The following IRAG2 variants were observed in gnomAD, a reference collection of about 807,000 sequenced individuals.
IRAG2 encodes the protein inositol 1,4,5-triphosphate receptor associated 2, also known as lymphoid restricted membrane protein.
A neutral mutation model predicts 69.9 loss-of-function variants in IRAG2; 45 were observed. The observed-to-expected ratio is 0.64, with a 90% CI of 0.51 to 0.83. The LOEUF is 0.83. Ranked by LOEUF, IRAG2 falls within the 40% of genes least tolerant of loss-of-function variation. IRAG2 has a pLI of 0.00. For synonymous variants in IRAG2, 193 were observed against 202.4 expected, an observed-to-expected ratio of 0.95 and a Z score of 0.40; for missense variants, 520 against 587.0, an observed-to-expected ratio of 0.89 and a Z score of 1.18.
intron 6 of IRAG2, among the ~76,000 whole-genome samples, chr12:25,075,236 T>C (rs1468179638): frequency 1.3e-5 from 2 of 152,198 alleles, no homozygotes; most frequent in Non-Finnish European, 2.9e-5. Context: ...AAGTCAGAAG[T>C]AAGTCTAATA....
chr12:25,077,308 GATATATATGAT>G (rs1470623059), intron 6 of IRAG2, among the ~76,000 whole-genome samples: 272 of 17,668 alleles, frequency 0.015, 66 homozygotes, highest in Non-Finnish European at 0.023. Flanking sequence ...AAATATATAT[GATATATATGAT>G]ATATATATGA....
chr12:25,095,232 A>G (rs557447928), intron 14 of IRAG2, among the ~76,000 whole-genome samples: 1 of 152,128 alleles, frequency 6.6e-6, no homozygotes, highest in Non-Finnish European at 1.5e-5. Flanking sequence ...TTATTAGGTT[A>G]AGGTAATTTT....
At chr12:25,003,552 T>C (rs1397025758), upstream of IRAG2, among the ~76,000 whole-genome samples, 1 of 152,122 alleles carries the variant, frequency 6.6e-6, no homozygotes, top group Non-Finnish European at 1.5e-5. Flanking sequence ...AAATTTTGAA[T>C]GTATTTCCAA....
rs951729051 is a variant in IRAG2 at position 25,072,274 on chromosome 12, A to G, written c.24+2843A>G. 3.9e-5 allele frequency among the ~76,000 whole-genome samples: 6 copies of G among 152,204 alleles called. No individual in the cohort carries two copies. In the South Asian group the frequency reaches 1.0e-3, roughly 26 times the overall value. ...TAACAGACATCACAATCGAGCCTCC[A>G]GTCACATGCTCCTGTAAGTTCCCTG... is the stretch of plus-strand genomic sequence containing the variant. On this transcript the variant is annotated intron_variant, in intron 6 of 21. Coordinates refer to ENST00000556887, the MANE Select transcript of IRAG2 (RefSeq NM_001366544.2).
upstream of IRAG2, among the ~76,000 whole-genome samples, chr12:25,000,391 G>A (rs377561036): frequency 1.0e-3 from 153 of 152,282 alleles, no homozygotes; most frequent in African/African-American, 3.6e-3. Flanking sequence ...AGGTTCCAGT[G>A]AGCCGAGATT....
At chr12:25,017,373 T>C (rs1345142035) in intron 6 of IRAG2, 4 of 1,104,116 alleles carry the variant, frequency 3.6e-6, no homozygotes, top group Middle Eastern at 3.4e-4. Context: ...ATATTGAGAG[T>C]CACACAGCAT....
intron 16 of IRAG2, among the ~76,000 whole-genome samples, chr12:25,101,663 A>G (rs1948755218): frequency 6.6e-6 from 1 of 152,224 alleles, no homozygotes; most frequent in Non-Finnish European, 1.5e-5. Flanking sequence ...AGGATAAATA[A>G]TTTAAATGGG....
At chr12:25,049,285 C>T (rs954868640), upstream of IRAG2, among the ~76,000 whole-genome samples, 2 of 152,088 alleles carry the variant, frequency 1.3e-5, no homozygotes, top group Non-Finnish European at 2.9e-5. Flanking sequence ...GTGAAGAATG[C>T]CAATGGCAGT....
intron 6 of IRAG2, among the ~76,000 whole-genome samples, chr12:25,076,802 G>T (rs1361430881): frequency 6.6e-6 from 1 of 151,390 alleles, no homozygotes; most frequent in African/African-American, 2.4e-5. Context: ...TTTTATGAAG[G>T]GTTACACTCA....
At chr12:25,061,686 T>A (rs952265) in intron 2 of IRAG2, 33 bp downstream of exon 2, 1 of 398,306 alleles carries the variant, frequency 2.5e-6, no homozygotes, top group Non-Finnish European at 4.4e-6. Flanking sequence ...TCAGTTACTG[T>A]GGAGGAAGTT....
upstream of IRAG2, among the ~76,000 whole-genome samples, chr12:25,049,982 C>CA (rs56185966): frequency 6.3e-3 from 448 of 71,248 alleles, 53 homozygotes; most frequent in African/African-American, 0.027. Flanking sequence ...AACTGTGTCT[C>CA]AAAAAAAAAA....
chr12:25,024,946 T>C (rs1490357892), intron 8 of IRAG2, among the ~76,000 whole-genome samples: 1 of 152,222 alleles, frequency 6.6e-6, no homozygotes, highest in Non-Finnish European at 1.5e-5. Flanking sequence ...ATTATTGACT[T>C]ACATTAGAAA....
intron 14 of IRAG2, chr12:25,093,131 G>A (rs781060870): frequency 6.5e-6 from 1 of 153,468 alleles, no homozygotes; most frequent in Non-Finnish European, 1.5e-5. Context: ...TACTGGACGA[G>A]GTTTTTCTCA....
upstream of IRAG2, among the ~76,000 whole-genome samples, chr12:25,048,008 T>C (rs1944811262): frequency 6.6e-6 from 1 of 152,250 alleles, no homozygotes; most frequent in Non-Finnish European, 1.5e-5. Flanking sequence ...ATGGTATTTC[T>C]ACCTCTATTT....
At chr12:25,090,034 C>A (rs755902065) in intron 13 of IRAG2, 23 bp from the exon 14 acceptor site, 2 of 1,611,014 alleles carry the variant, frequency 1.2e-6, no homozygotes, top group Admixed American at 3.4e-5. Flanking sequence ...CTCTTCCTCA[C>A]CCTCACATTA....
At chr12:25,104,082 C>A in intron 19 of IRAG2, 24 bp downstream of exon 19, 1 of 1,600,354 alleles carries the variant, frequency 6.2e-7, no homozygotes, top group Non-Finnish European at 8.6e-7. Flanking sequence ...TATGGTTCCT[C>A]TTTGGGAACC....
At chr12:25,002,566 TA>T (rs1944398902), upstream of IRAG2, among the ~76,000 whole-genome samples, 1 of 151,904 alleles carries the variant, frequency 6.6e-6, no homozygotes, top group African/African-American at 2.4e-5. Context: ...GTCCCATGAT[TA>T]AAAACTGATT....
At chr12:25,053,910 G>A (rs1206955180) in intron 1 of IRAG2, among the ~76,000 whole-genome samples, 6 of 151,864 alleles carry the variant, frequency 4.0e-5, no homozygotes, top group Non-Finnish European at 2.9e-5. Flanking sequence ...AAGCTATTTA[G>A]GAGTTTAAGA....
rs1944480147 is a variant in IRAG2, at chr12:25,012,143, C to CTTTTTT, written c.896+592_896+593insTTTTTT. 9.1e-4 allele frequency among the ~76,000 whole-genome samples: 22 copies of CTTTTTT among 24,096 alleles called. 9 individuals are homozygous for CTTTTTT. The highest frequency in any genetic ancestry group is 1.6e-3 in the Non-Finnish European group (12 of 7,326). 15.8% of individuals were successfully genotyped at this position (24,096 alleles called of 152,430 possible). On this transcript the variant is annotated intron_variant, in intron 3 of 38. Coordinates refer to the IRAG2 transcript ENST00000636465. ...GTCTTCTTCCACAGAAAGCGAATTC[C>CTTTTTT]CTTTTTTTTTTTTTTTTTTTTTTTT...
Sources: gnomAD v4.1 joint callset for allele counts (sites outside exome capture counted in the v4.1 genomes callset) on GRCh38, gnomAD v4.1.1 for gene constraint, MANE v1.5 for transcripts, NCBI Gene and HGNC (gene_info 2026-07-23, HGNC 2026-07-21) for gene names.